The following ABHD6 variants were observed in gnomAD, a reference collection of about 807,000 sequenced individuals.
ABHD6 encodes abhydrolase domain containing 6, acylglycerol lipase, also known as monoacylglycerol lipase ABHD6.
Under a neutral mutation model 38.8 loss-of-function variants are expected in ABHD6, and 33 were observed. That is an observed-to-expected ratio of 0.85 (90% CI 0.64 to 1.14). ABHD6 has a LOEUF of 1.14. ABHD6 is among the 50% of genes most tolerant of loss of function. The pLI is 0.00. For missense variants in ABHD6, 380 were observed against 422.6 expected (o/e 0.90, Z 0.88); for synonymous variants, 147 against 161.6 (o/e 0.91, Z 0.69).
intron 1 of ABHD6, among the ~76,000 whole-genome samples, chr3:58,240,887 C>T (rs887736687): frequency 2.6e-5 from 4 of 151,990 alleles, no homozygotes; most frequent in East Asian, 3.9e-4. Context: ...TGCACAAGCA[C>T]GCCTGGCTAA....
chr3:58,285,286 T>G lies in ABHD6; in HGVS notation c.737-67T>G. 2 of 1,560,636 alleles carry G rather than the reference T, an allele frequency of 1.3e-6. No homozygotes were observed. Among genetic ancestry groups the G allele is most frequent in the South Asian group, 2.2e-5 (2 of 89,846 alleles). On this transcript the variant is annotated intron_variant, in intron 8 of 9. Transcript: ENST00000478253. This position sits in a 1 kb window ranked among gnomAD's most constrained non-coding sequence, Gnocchi z 4.9. ...GTGGCCTGGATCTGGTGACTATCCCTTGATTCTGCGGTGGTGCCACAGGCA... is the reference window on the plus strand; with the variant it reads ...GTGGCCTGGATCTGGTGACTATCCCGTGATTCTGCGGTGGTGCCACAGGCA...
chr3:58,291,717 A>T (rs1477845195), intron 9 of ABHD6, among the ~76,000 whole-genome samples: 1 of 152,228 alleles, frequency 6.6e-6, no homozygotes, highest in Admixed American at 6.5e-5. Flanking sequence ...ACCAGCAAAC[A>T]GTGCCAAAGC....
chr3:58,272,091 C>T (rs184797176), intron 6 of ABHD6, among the ~76,000 whole-genome samples: 21 of 152,188 alleles, frequency 1.4e-4, no homozygotes, highest in Non-Finnish European at 2.6e-4. Context: ...CGTGAGCCAC[C>T]GCACCCGGCC....
At chr3:58,242,035 G>A (rs1230313459) in intron 1 of ABHD6, among the ~76,000 whole-genome samples, 3 of 152,182 alleles carry the variant, frequency 2.0e-5, no homozygotes, top group Admixed American at 1.3e-4. Flanking sequence ...TACAGAGAGC[G>A]GCAGTGCTTT....
chr3:58,254,848 G>GTGTA, intron 2 of ABHD6, among the ~76,000 whole-genome samples: 1 of 96,780 alleles, frequency 1.0e-5, no homozygotes, highest in African/African-American at 5.3e-5. Context: ...ATATATATGT[G>GTGTA]TATACACACA....
chr3:58,248,441 T>C (rs1417647853), intron 1 of ABHD6, among the ~76,000 whole-genome samples: 2 of 152,206 alleles, frequency 1.3e-5, no homozygotes, highest in Non-Finnish European at 2.9e-5. Flanking sequence ...CTCACGCCTG[T>C]AATCCCAGCA....
Position 58,267,482 on chromosome 3 carries a change from TAAAG to T in ABHD6, c.276+141_276+144del. ...GAGTTCAAAACCAGCCTGGACAACA[TAAAG>T]AAACCCTGTCTCTACAAAAAATTAA... is the stretch of plus-strand genomic sequence containing the variant. On this transcript the variant is annotated intron_variant, in intron 4 of 9. Transcript: ENST00000478253. The surrounding 1 kb of genome is among the most constrained non-coding windows in gnomAD (Gnocchi z 4.3). 1 of 1,117,208 alleles carries T rather than the reference TAAAG, an allele frequency of 9.0e-7. No individual in the cohort carries two copies. The highest frequency in any genetic ancestry group is 1.3e-6 in the Non-Finnish European group (1 of 780,834). The allele number at this position is 1,117,208 out of a possible 1,614,324, so 69.2% of individuals were successfully genotyped here.
chr3:58,289,869 C>T (rs1319054699), intron 9 of ABHD6, among the ~76,000 whole-genome samples: 1 of 85,116 alleles, frequency 1.2e-5, no homozygotes, highest in Non-Finnish European at 2.2e-5. Flanking sequence ...AGGGGGCTGA[C>T]CCCCCCACCT....
At position 58,256,076 on chromosome 3, in the gene ABHD6, A is replaced by AACACACACACAC. The variant is rs769155755; in HGVS notation, c.-25-464_-25-453dup. Among the ~76,000 whole-genome samples the AACACACACACAC allele has an allele frequency of 2.0e-4, 13 of 65,534 alleles. No individual in the cohort carries two copies. The highest frequency in any genetic ancestry group is 1.1e-3 in the African/African-American group (11 of 9,786). 43.0% of individuals were successfully genotyped at this position (65,534 alleles called of 152,430 possible). A position where few individuals can be genotyped will look rare whatever the true frequency, so the allele number is the denominator to read the frequency against. ...TATTTCTCTCTCTTTTCCTCCCACC[A>AACACACACACAC]ACACACACACACACACACACACACA... is the stretch of plus-strand genomic sequence containing the variant. On this transcript the variant is annotated intron_variant, in intron 2 of 9. Transcript: ENST00000478253. This position sits in a 1 kb window ranked among gnomAD's most constrained non-coding sequence, Gnocchi z 4.3.
In ABHD6 at chr3:58,286,870, G is replaced by GTATA. The variant is rs1315175509; in HGVS notation, c.837+1419_837+1422dup. 1.7e-4 allele frequency among the ~76,000 whole-genome samples: 13 copies of GTATA among 75,040 alleles called. 1 individual carries two copies. The highest frequency in any genetic ancestry group is 4.3e-4 in the African/African-American group (10 of 23,106). 49.2% of individuals were successfully genotyped at this position (75,040 alleles called of 152,430 possible). On this transcript the variant is annotated intron_variant, in intron 9 of 9. Transcript: ENST00000478253. ...TGTGTGTGTATATATATATATATAT[G>GTATA]TATATGTATATATAAGTAGGTATCT...
At chr3:58,248,002 C>T (rs970738655) in intron 1 of ABHD6, among the ~76,000 whole-genome samples, 2 of 152,236 alleles carry the variant, frequency 1.3e-5, no homozygotes, top group Non-Finnish European at 2.9e-5. Context: ...TAACCATAAT[C>T]ATGGCCAATT....
chr3:58,264,559 T>C (rs936580418), intron 3 of ABHD6, among the ~76,000 whole-genome samples: 2 of 151,866 alleles, frequency 1.3e-5, no homozygotes, highest in African/African-American at 4.8e-5. Flanking sequence ...AGGCATGGTA[T>C]ATGCACCTGT....
Position 58,259,277 on chromosome 3 carries a change from AG to A in ABHD6, c.119+2575del, listed in dbSNP as rs1158143420. 6.6e-6 allele frequency among the ~76,000 whole-genome samples: 1 copy of A among 152,216 alleles called. No individual in the cohort carries two copies. The highest frequency in any genetic ancestry group is 1.9e-4 in the East Asian group (1 of 5,204). On this transcript the variant is annotated intron_variant, in intron 3 of 9. Transcript: ENST00000478253. This position sits in a 1 kb window ranked among gnomAD's most constrained non-coding sequence, Gnocchi z 4.7. ...AGAAGGCTTTCAGAGTAAGGGTGTT[AG>A]GGTAATTTTGATGTTTCATTTGTAA...
chr3:58,268,380 G>T (rs941595382), intron 4 of ABHD6, among the ~76,000 whole-genome samples: 2 of 150,774 alleles, frequency 1.3e-5, no homozygotes, highest in African/African-American at 4.9e-5. Context: ...CTTTTCCTTT[G>T]CCATTTAGAG....
In ABHD6 at chr3:58,256,180, C is replaced by A. The variant is rs1290490350; in HGVS notation, c.-25-382C>A. Among the ~76,000 whole-genome samples, 2 of 151,928 alleles carry A rather than the reference C, an allele frequency of 1.3e-5. No individual in the cohort carries two copies. Among genetic ancestry groups the A allele is most frequent in the African/African-American group, 4.8e-5 (2 of 41,348 alleles). On this transcript the variant is annotated intron_variant, in intron 2 of 9. Transcript: ENST00000478253. This position sits in a 1 kb window ranked among gnomAD's most constrained non-coding sequence, Gnocchi z 4.3. ...AGATACCATTATACTTCACCCCTTA[C>A]AACTTCAGCAAACATCTCCTAAAAG...
rs1177124674 is a variant in ABHD6 at position 58,287,004 on chromosome 3, T to C, written c.837+1551T>C. The stretch of plus-strand genomic sequence containing the variant: ...AGAAAATTTGAAAGAAGGCCAGGCA[T>C]GGTGGCTTACGCCTATAATGCCAGC... On this transcript the variant is annotated intron_variant, in intron 9 of 9. Coordinates refer to ENST00000478253, the MANE Select transcript of ABHD6 (RefSeq NM_001320126.2). This position sits in a 1 kb window ranked among gnomAD's most constrained non-coding sequence, Gnocchi z 4.7. 6.6e-6 allele frequency among the ~76,000 whole-genome samples: 1 copy of C among 151,730 alleles called. No homozygotes were observed. The highest frequency in any genetic ancestry group is 1.5e-5 in the Non-Finnish European group (1 of 67,944).
At chr3:58,243,419 G>A (rs1470151311) in intron 1 of ABHD6, among the ~76,000 whole-genome samples, 4 of 152,134 alleles carry the variant, frequency 2.6e-5, no homozygotes, top group African/African-American at 7.2e-5. Flanking sequence ...GGGCATGGAG[G>A]ATGAAATAGA....
rs1221216822 is a variant in ABHD6, at chr3:58,291,115, G to A, written c.838-2474G>A. Among the ~76,000 whole-genome samples, 7 of 149,446 alleles carry A rather than the reference G, an allele frequency of 4.7e-5. No individual in the cohort carries two copies. The East Asian group carries it at 7.9e-4, about 17-fold the overall frequency. On this transcript the variant is annotated intron_variant, in intron 9 of 9. Coordinates refer to ENST00000478253, the MANE Select transcript of ABHD6 (RefSeq NM_001320126.2). ...TTGAGCACTGAGTGAACCAGACACC[G>A]TCTGCAATCCCGGCACCTCCGGAGG...
Position 58,284,954 on chromosome 3 carries a change from G to A in ABHD6, c.682-131G>A, listed in dbSNP as rs2097455858. The A allele has an allele frequency of 5.2e-6, 4 of 767,960 alleles. No individual in the cohort carries two copies. In the African/African-American group the frequency reaches 5.2e-5, roughly 10 times the overall value. 47.6% of individuals were successfully genotyped at this position (767,960 alleles called of 1,614,324 possible). A position where few individuals can be genotyped will look rare whatever the true frequency, so the allele number is the denominator to read the frequency against. On this transcript the variant is annotated intron_variant, in intron 7 of 9. Coordinates refer to ENST00000478253, the MANE Select transcript of ABHD6 (RefSeq NM_001320126.2). ...TGTGCTGCATCATGGGAATTCAGAGGACCAGGCTCTAAAGACCTTGACAGT... is the reference window on the plus strand; with the variant it reads ...TGTGCTGCATCATGGGAATTCAGAGAACCAGGCTCTAAAGACCTTGACAGT...
Sources: allele counts gnomAD v4.1 joint callset (sites outside exome capture counted in the v4.1 genomes callset), GRCh38; gene constraint gnomAD v4.1.1; non-coding constraint Gnocchi (gnomAD v3.1); transcripts MANE v1.5; gene names NCBI Gene and HGNC (gene_info 2026-07-23, HGNC 2026-07-21).